The following PLPPR1 variants were observed in gnomAD, a reference collection of about 807,000 sequenced individuals.
The protein encoded by PLPPR1 is phospholipid phosphatase related 1.
A neutral mutation model predicts 33.1 loss-of-function variants in PLPPR1; 10 were observed. The observed-to-expected ratio is 0.30, with a 90% CI of 0.19 to 0.51. The LOEUF is 0.51. Among genes scored for constraint, PLPPR1 ranks in the 20% least tolerant of loss-of-function variants. PLPPR1 has a pLI of 0.97. For synonymous variants in PLPPR1, 151 were observed against 151.0 expected, an observed-to-expected ratio of 1.00 and a Z score of 0.00; for missense variants, 304 against 408.1, an observed-to-expected ratio of 0.74 and a Z score of 2.20.
At position 101,089,785 on chromosome 9, in the gene PLPPR1, AT is replaced by A. The variant is rs1281107298; in HGVS notation, c.-46+60685del. On this transcript the variant is annotated intron_variant, in intron 1 of 7. Coordinates refer to ENST00000374874, the MANE Select transcript of PLPPR1 (RefSeq NM_207299.2). The stretch of plus-strand genomic sequence containing the variant: ...TAAGAGTCTCTTGTTATTTTTAATT[AT>A]TATAAATTAATTGAGATTGAGTCAA... Among the ~76,000 whole-genome samples, 3 of 152,158 alleles carry A rather than the reference AT, an allele frequency of 2.0e-5. No individual in the cohort carries two copies. In the East Asian group the frequency reaches 5.8e-4, roughly 29 times the overall value.
At chr9:101,078,185 G>GAAGAAGA (rs1564138291) in intron 1 of PLPPR1, among the ~76,000 whole-genome samples, 2 of 23,218 alleles carry the variant, frequency 8.6e-5, no homozygotes, top group East Asian at 5.0e-3. Flanking sequence ...AGAAGAAGAA[G>GAAGAAGA]AGGAGGGGGG....
At chr9:101,202,368 A>C (rs12686592) in intron 2 of PLPPR1, among the ~76,000 whole-genome samples, 19,694 of 152,202 alleles carry the variant, frequency 0.13, 1,498 homozygotes, top group East Asian at 0.28. Flanking sequence ...CTTATCCTCC[A>C]AAAATATTTT....
chr9:101,298,968 G>A (rs1033349505), intron 4 of PLPPR1, among the ~76,000 whole-genome samples: 1 of 152,172 alleles, frequency 6.6e-6, no homozygotes, highest in African/African-American at 2.4e-5. Flanking sequence ...TGATCCCAGG[G>A]AAACAGATGC....
intron 4 of PLPPR1, among the ~76,000 whole-genome samples, chr9:101,292,975 G>A (rs996713594): frequency 6.6e-6 from 1 of 151,946 alleles, no homozygotes; most frequent in Non-Finnish European, 1.5e-5. Context: ...AAATGTAAAT[G>A]GACTAAATGC....
intron 1 of PLPPR1, among the ~76,000 whole-genome samples, chr9:101,118,888 G>GT (rs71356334): frequency 2.3e-4 from 34 of 150,308 alleles, no homozygotes; most frequent in Admixed American, 1.1e-3. Context: ...TTGATGCCAT[G>GT]TTTTTTTTTG....
At chr9:101,087,597 A>G (rs1024261775) in intron 1 of PLPPR1, among the ~76,000 whole-genome samples, 2 of 152,222 alleles carry the variant, frequency 1.3e-5, no homozygotes, top group Admixed American at 1.3e-4. Flanking sequence ...TCTAAAACCA[A>G]TGTAGACTGG....
At chr9:101,211,208 A>T (rs1005151440) in intron 2 of PLPPR1, among the ~76,000 whole-genome samples, 3 of 152,192 alleles carry the variant, frequency 2.0e-5, no homozygotes, top group African/African-American at 7.2e-5. Flanking sequence ...TAAGAAAAAA[A>T]GGCAGCCCCT....
chr9:101,270,180 T>C, intron 3 of PLPPR1, 112 bp downstream of exon 3: 1 of 1,129,178 alleles, frequency 8.9e-7, no homozygotes, highest in Non-Finnish European at 1.3e-6. Flanking sequence ...GTTTTATCAG[T>C]GGCATCCTAT....
intron 1 of PLPPR1, among the ~76,000 whole-genome samples, chr9:101,064,748 G>A (rs1013328408): frequency 1.3e-5 from 2 of 152,008 alleles, no homozygotes; most frequent in Non-Finnish European, 2.9e-5. Flanking sequence ...GAGGCTGGGA[G>A]GTCTAAGATT....
intron 1 of PLPPR1, among the ~76,000 whole-genome samples, chr9:101,044,741 A>T (rs1283726470): frequency 6.6e-6 from 1 of 152,176 alleles, no homozygotes; most frequent in Admixed American, 6.5e-5. Flanking sequence ...ATGGAAATGC[A>T]TGTGCTGGCT....
At chr9:101,168,822 C>T (rs750822749) in intron 1 of PLPPR1, among the ~76,000 whole-genome samples, 4 of 152,104 alleles carry the variant, frequency 2.6e-5, no homozygotes, top group Non-Finnish European at 5.9e-5. Flanking sequence ...TAGACTTCAA[C>T]ATAATGCAAG....
At chr9:101,302,293 A>C (rs528216631) in intron 4 of PLPPR1, among the ~76,000 whole-genome samples, 3 of 152,260 alleles carry the variant, frequency 2.0e-5, no homozygotes, top group Non-Finnish European at 4.4e-5. Context: ...TATCCATGGC[A>C]GTCATAGTTA....
At chr9:101,100,217 G>A (rs1312830468) in intron 1 of PLPPR1, among the ~76,000 whole-genome samples, 2 of 152,028 alleles carry the variant, frequency 1.3e-5, no homozygotes, top group Non-Finnish European at 2.9e-5. Flanking sequence ...AGATAAAAAG[G>A]TCTGATTTAA....
intron 1 of PLPPR1, among the ~76,000 whole-genome samples, chr9:101,161,832 A>G (rs1052731239): frequency 6.6e-6 from 1 of 152,148 alleles, no homozygotes; most frequent in Non-Finnish European, 1.5e-5. Flanking sequence ...TTCATGGGAT[A>G]TGTTTTTACC....
At chr9:101,057,281 A>C (rs533484224) in intron 1 of PLPPR1, among the ~76,000 whole-genome samples, 1 of 152,338 alleles carries the variant, frequency 6.6e-6, no homozygotes, top group African/African-American at 2.4e-5. Flanking sequence ...ATATATAAGG[A>C]TGAAAAACGT....
At chr9:101,217,603 T>C (rs973943411) in intron 2 of PLPPR1, among the ~76,000 whole-genome samples, 2 of 152,222 alleles carry the variant, frequency 1.3e-5, no homozygotes, top group African/African-American at 4.8e-5. Context: ...TCTGTGGTTG[T>C]AGTATGCAAA....
intron 1 of PLPPR1, 138 bp downstream of exon 1, chr9:101,029,240 AG>A (rs1162605818): frequency 1.3e-5 from 2 of 153,390 alleles, no homozygotes; most frequent in African/African-American, 4.8e-5. Flanking sequence ...GTGCAGATGA[AG>A]GCGGCGCTGG....
At chr9:101,183,461 TAG>T (rs1463720244) in intron 1 of PLPPR1, among the ~76,000 whole-genome samples, 1 of 151,678 alleles carries the variant, frequency 6.6e-6, no homozygotes, top group African/African-American at 2.4e-5. Flanking sequence ...GGCAAATCTG[TAG>T]AGTCAGAAAG....
At position 101,206,648 on chromosome 9, in the gene PLPPR1, G is replaced by A. The variant is rs1469614049; in HGVS notation, c.63+21091G>A. 3.3e-5 allele frequency among the ~76,000 whole-genome samples: 5 copies of A among 152,284 alleles called. No individual in the cohort carries two copies. The East Asian group carries it at 9.6e-4, about 29-fold the overall frequency. The stretch of plus-strand genomic sequence containing the variant: ...TACCAGCAGAGTCTCTTCTTGAAAA[G>A]GGTTGGACATGAAAAATTGATTCAG... On this transcript the variant is annotated intron_variant, in intron 2 of 7. Transcript: ENST00000374874.
Sources: allele counts gnomAD v4.1 joint callset (sites outside exome capture counted in the v4.1 genomes callset), GRCh38; gene constraint gnomAD v4.1.1; transcripts MANE v1.5; gene names NCBI Gene and HGNC (gene_info 2026-07-23, HGNC 2026-07-21).